Variants in ZFHX3 observed in about 807,000 individuals in gnomAD.
The protein encoded by ZFHX3 is zinc finger homeobox 3.
In ZFHX3, 42 loss-of-function variants were observed where a neutral mutation model predicts 279.1. The ratio of observed to expected loss-of-function variants is 0.15; its 90% CI spans 0.12 to 0.19. The LOEUF is 0.19. Among genes scored for constraint, ZFHX3 ranks in the 10% least tolerant of loss-of-function variants. The pLI, the probability that ZFHX3 is intolerant of heterozygous loss-of-function variation, is 1.00. For synonymous variants in ZFHX3, 2,293 were observed against 1,957.8 expected (o/e 1.17, Z -4.52); for missense variants, 4,981 against 4,754.0 (o/e 1.05, Z -1.40).
At chr16:72,849,382 C>A (rs1188608148) in intron 4 of ZFHX3, among the ~76,000 whole-genome samples, 1 of 152,160 alleles carries the variant, frequency 6.6e-6, no homozygotes, top group East Asian at 1.9e-4. Context: ...GGGGCCCAGC[C>A]GGCTCAGCCT....
chr16:73,630,377 T>C (rs1382768509), intron 2 of ZFHX3, among the ~76,000 whole-genome samples: 2 of 152,216 alleles, frequency 1.3e-5, no homozygotes, highest in African/African-American at 4.8e-5. Flanking sequence ...ACATTGCTTT[T>C]CTAGAGCAAT....
At chr16:73,587,223 C>G (rs1445321277) in intron 2 of ZFHX3, among the ~76,000 whole-genome samples, 1 of 152,184 alleles carries the variant, frequency 6.6e-6, no homozygotes, top group Non-Finnish European at 1.5e-5. Flanking sequence ...AGATTTATGA[C>G]AATGCCTTAA....
At chr16:73,539,316 A>AT (rs1196087051) in intron 2 of ZFHX3, among the ~76,000 whole-genome samples, 8 of 147,856 alleles carry the variant, frequency 5.4e-5, no homozygotes, top group African/African-American at 2.0e-4. Flanking sequence ...GGTGAAACTG[A>AT]TTTTACGCGC....
At chr16:73,535,825 C>T (rs761272040) in intron 2 of ZFHX3, among the ~76,000 whole-genome samples, 11 of 151,082 alleles carry the variant, frequency 7.3e-5, no homozygotes, top group South Asian at 2.1e-4. Context: ...TGGGCTCAAG[C>T]GATTCTCCTG....
chr16:73,657,893 A>G (rs1177578764), intron 2 of ZFHX3, among the ~76,000 whole-genome samples: 2 of 152,244 alleles, frequency 1.3e-5, no homozygotes, highest in Non-Finnish European at 2.9e-5. Flanking sequence ...CTGCTATGAA[A>G]AATGATGCTA....
intron 4 of ZFHX3, among the ~76,000 whole-genome samples, chr16:73,307,295 C>T (rs1406808409): frequency 1.3e-5 from 2 of 152,198 alleles, no homozygotes; most frequent in Non-Finnish European, 2.9e-5. Flanking sequence ...ATTGCCTGGG[C>T]TGACCTATAT....
At chr16:72,913,607 C>G (rs187207606) in intron 3 of ZFHX3, among the ~76,000 whole-genome samples, 6 of 152,250 alleles carry the variant, frequency 3.9e-5, no homozygotes, top group African/African-American at 1.4e-4. Context: ...TGGGTTTCTC[C>G]AAGGGTAAGT....
chr16:73,745,576 A>C (rs1420970904), intron 1 of ZFHX3, among the ~76,000 whole-genome samples: 1 of 152,208 alleles, frequency 6.6e-6, no homozygotes, highest in African/African-American at 2.4e-5. Context: ...TTTACAAAAT[A>C]GTGCTGTTCA....
chr16:72,845,482 G>A lies in ZFHX3; in HGVS notation c.3449-15623C>T, dbSNP rs1008905319. On this transcript the variant is annotated intron_variant, in intron 4 of 9. Coordinates refer to ENST00000268489, the MANE Select transcript of ZFHX3 (RefSeq NM_006885.4). ...GCTGGGCTGGCAGGGCTGCAGCCAC[G>A]CCCGGCCCTGAACCAGGCCTGCGTG... Among the ~76,000 whole-genome samples the A allele has an allele frequency of 4.6e-5, 7 of 152,054 alleles. No individual in the cohort carries two copies. The East Asian group carries it at 5.8e-4, about 13-fold the overall frequency.
At chr16:73,297,381 G>GA (rs1255236872) in intron 4 of ZFHX3, among the ~76,000 whole-genome samples, 2 of 151,976 alleles carry the variant, frequency 1.3e-5, no homozygotes, top group African/African-American at 4.8e-5. Flanking sequence ...CATGTGTGTT[G>GA]AAAAGCACTG....
chr16:73,364,403 A>T (rs2016492249), intron 3 of ZFHX3, among the ~76,000 whole-genome samples: 1 of 151,052 alleles, frequency 6.6e-6, no homozygotes, highest in Non-Finnish European at 1.5e-5. Context: ...AATAGTTTCT[A>T]ACAAATATAT....
intron 2 of ZFHX3, among the ~76,000 whole-genome samples, chr16:73,620,908 T>C (rs1313991193): frequency 6.6e-6 from 1 of 152,164 alleles, no homozygotes; most frequent in Admixed American, 6.5e-5. Context: ...GACCAGATCT[T>C]TGGGTGAGAC....
rs746268093 is a variant in ZFHX3 at position 72,787,707 on chromosome 16, GCCGCCGCCGCCA to G, written c.10557_10568del (p.Gly3524_Gly3527del). ...GGCAGTGGTACGAGCCGCCGCCGCC[GCCGCCGCCGCCA>G]CCGCCGCCGCCGCCGCCACTGCCAC... On this transcript the variant is annotated inframe_deletion, in exon 10 of 10. Transcript: ENST00000268489. 4.4e-4 allele frequency: 616 copies of G among 1,399,828 alleles called. 56 individuals carry two copies. Among genetic ancestry groups the G allele is most frequent in the South Asian group, 3.6e-3 (177 of 49,408 alleles). The allele number at this position is 1,399,828 out of a possible 1,614,324, so 86.7% of individuals were successfully genotyped here. A position where few individuals can be genotyped will look rare whatever the true frequency, so the allele number is the denominator to read the frequency against.
intron 1 of ZFHX3, among the ~76,000 whole-genome samples, chr16:72,975,544 C>A (rs552389770): frequency 6.6e-6 from 1 of 152,316 alleles, no homozygotes; most frequent in African/African-American, 2.4e-5. Context: ...GCCCCTTCTC[C>A]ATCCCACATG....
intron 2 of ZFHX3, chr16:73,543,885 GGAGAGAGAGAGAGAGAGAGA>G (rs762967059): frequency 7.3e-6 from 1 of 136,454 alleles, no homozygotes; most frequent in South Asian, 2.3e-4. Context: ...AGCGAGAGAG[GGAGAGAGAGAGAGAGAGAGA>G]GAGAGACAGA....
At chr16:73,847,589 A>C (rs1319405954) in intron 1 of ZFHX3, among the ~76,000 whole-genome samples, 1 of 152,152 alleles carries the variant, frequency 6.6e-6, no homozygotes, top group Non-Finnish European at 1.5e-5. Context: ...AACTTCAGCA[A>C]GTTATTTAGC....
intron 1 of ZFHX3, among the ~76,000 whole-genome samples, chr16:72,973,001 C>T (rs1962175022): frequency 1.3e-5 from 2 of 152,244 alleles, no homozygotes; most frequent in African/African-American, 4.8e-5. Context: ...TAACTCTGTA[C>T]ATCAGCTACC....
At chr16:73,523,585 C>T (rs1178319180) in intron 2 of ZFHX3, among the ~76,000 whole-genome samples, 1 of 150,540 alleles carries the variant, frequency 6.6e-6, no homozygotes, top group Non-Finnish European at 1.5e-5. Flanking sequence ...GCAATTTACA[C>T]AGTGCTGGGG....
intron 5 of ZFHX3, among the ~76,000 whole-genome samples, chr16:73,192,037 G>C (rs1437081856): frequency 6.6e-6 from 1 of 152,198 alleles, no homozygotes; most frequent in Admixed American, 6.5e-5. Context: ...TGTGTGGTGG[G>C]GGGTTCACGC....
Sources: gnomAD v4.1 joint callset for allele counts (sites outside exome capture counted in the v4.1 genomes callset) on GRCh38, gnomAD v4.1.1 for gene constraint, MANE v1.5 for transcripts, NCBI Gene and HGNC (gene_info 2026-07-23, HGNC 2026-07-21) for gene names.